NDST4: variants seen among roughly 807,000 people sequenced by gnomAD.
NDST4 encodes the protein N-deacetylase and N-sulfotransferase 4.
In NDST4, 63 loss-of-function variants were observed where a neutral mutation model predicts 100.8. The ratio of observed to expected loss-of-function variants is 0.62; its 90% CI spans 0.51 to 0.77. The LOEUF (loss-of-function observed/expected upper bound fraction) is 0.77, where lower values mean the gene tolerates loss of function less well. Ranked by LOEUF, NDST4 falls within the 30% of genes least tolerant of loss-of-function variation. NDST4 has a pLI of 0.00. For missense variants in NDST4, 943 were observed against 1,018.4 expected, an observed-to-expected ratio of 0.93 and a Z score of 1.01; for synonymous variants, 377 against 361.8, an observed-to-expected ratio of 1.04 and a Z score of -0.48.
intron 3 of NDST4, among the ~76,000 whole-genome samples, chr4:114,976,670 T>C (rs560832630): frequency 6.6e-6 from 1 of 152,028 alleles, no homozygotes; most frequent in Non-Finnish European, 1.5e-5. Flanking sequence ...GCCAAATTAG[T>C]GGTAATATTG....
At chr4:115,004,208 C>A (rs1727362264) in intron 2 of NDST4, among the ~76,000 whole-genome samples, 2 of 152,108 alleles carry the variant, frequency 1.3e-5, no homozygotes, top group African/African-American at 4.8e-5. Context: ...ATCATTTGTA[C>A]CAACTTAATT....
intron 1 of NDST4, among the ~76,000 whole-genome samples, chr4:115,087,618 T>C (rs767064544): frequency 2.4e-4 from 37 of 152,038 alleles, no homozygotes; most frequent in Middle Eastern, 3.4e-3. Context: ...TATGTAACAA[T>C]GTTGCGATTT....
chr4:114,849,007 T>C (rs1723617331), intron 8 of NDST4, among the ~76,000 whole-genome samples: 2 of 152,228 alleles, frequency 1.3e-5, no homozygotes, highest in African/African-American at 4.8e-5. Flanking sequence ...AAGTGTATTC[T>C]AATACTTTTC....
intron 4 of NDST4, among the ~76,000 whole-genome samples, chr4:114,945,969 T>C (rs1282938272): frequency 6.6e-6 from 1 of 152,154 alleles, no homozygotes; most frequent in Admixed American, 6.5e-5. Flanking sequence ...ATTTTTCTTT[T>C]GACAAAAGAA....
At chr4:115,110,309 TAAAGA>T (rs140885985) in intron 1 of NDST4, among the ~76,000 whole-genome samples, 2,334 of 152,076 alleles carry the variant, frequency 0.015, 69 homozygotes, top group African/African-American at 0.054. Context: ...CCTGAAGTGT[TAAAGA>T]AAAGGCTGGC....
At chr4:114,983,856 T>C (rs1726837112) in intron 2 of NDST4, among the ~76,000 whole-genome samples, 1 of 152,108 alleles carries the variant, frequency 6.6e-6, no homozygotes, top group Non-Finnish European at 1.5e-5. Context: ...GATTGGATCA[T>C]GAGGGTGGTT....
intron 2 of NDST4, among the ~76,000 whole-genome samples, chr4:115,043,329 C>A (rs1177177245): frequency 6.6e-6 from 1 of 151,992 alleles, no homozygotes; most frequent in East Asian, 1.9e-4. Flanking sequence ...GGATGATGTA[C>A]ATTTTAAGTT....
intron 1 of NDST4, among the ~76,000 whole-genome samples, chr4:115,112,913 C>A (rs1430909333): frequency 1.3e-5 from 2 of 151,914 alleles, no homozygotes; most frequent in African/African-American, 2.4e-5. Flanking sequence ...ATGACTGTAA[C>A]ATACAATTTC....
chr4:115,078,769 G>C (rs555802828), intron 1 of NDST4, among the ~76,000 whole-genome samples: 5 of 152,086 alleles, frequency 3.3e-5, no homozygotes, highest in Non-Finnish European at 4.4e-5. Context: ...GAACCCGGGA[G>C]GCGGAAGATG....
chr4:114,887,471 A>G (rs1724504007), intron 6 of NDST4, among the ~76,000 whole-genome samples: 1 of 152,196 alleles, frequency 6.6e-6, no homozygotes, highest in Non-Finnish European at 1.5e-5. Flanking sequence ...TCATACATCT[A>G]TAAGTTTCAG....
At chr4:114,846,680 T>C (rs1306158145) in intron 9 of NDST4, among the ~76,000 whole-genome samples, 2 of 152,156 alleles carry the variant, frequency 1.3e-5, no homozygotes, top group African/African-American at 4.8e-5. Flanking sequence ...GTTAATTCAG[T>C]GCAAGTCTTT....
chr4:114,885,699 T>C (rs1277755887), intron 6 of NDST4, among the ~76,000 whole-genome samples: 1 of 152,094 alleles, frequency 6.6e-6, no homozygotes, highest in Non-Finnish European at 1.5e-5. Flanking sequence ...GATTTTTTTC[T>C]TTCTCTTCTG....
chr4:115,047,495 T>C (rs1408089735), intron 2 of NDST4, among the ~76,000 whole-genome samples: 2 of 152,152 alleles, frequency 1.3e-5, no homozygotes, highest in Non-Finnish European at 2.9e-5. Context: ...TTTATCTTTT[T>C]ATAACTTATT....
chr4:114,999,672 G>A (rs1407439157), intron 2 of NDST4, among the ~76,000 whole-genome samples: 1 of 152,048 alleles, frequency 6.6e-6, no homozygotes, highest in Non-Finnish European at 1.5e-5. Flanking sequence ...AACATTCAGA[G>A]TAGCATTCCT....
chr4:114,975,098 G>A (rs1183744707), intron 3 of NDST4, among the ~76,000 whole-genome samples: 1 of 152,178 alleles, frequency 6.6e-6, no homozygotes, highest in East Asian at 1.9e-4. Context: ...TGACAAGATA[G>A]GGGTAAGGCA....
chr4:114,828,219 C>T (rs946009018), intron 13 of NDST4, among the ~76,000 whole-genome samples: 1 of 151,992 alleles, frequency 6.6e-6, no homozygotes, highest in Non-Finnish European at 1.5e-5. Flanking sequence ...AAAGAAAAAA[C>T]GATGACAGGA....
chr4:114,913,250 AG>A (rs1438450134), intron 6 of NDST4, among the ~76,000 whole-genome samples: 16 of 152,080 alleles, frequency 1.1e-4, no homozygotes, highest in Non-Finnish European at 1.6e-4. Flanking sequence ...CTGGGATTAA[AG>A]GGCTAATTTA....
rs138873732 is a variant in NDST4, at chr4:115,047,219, C to G, written c.978+28840G>C. Among the ~76,000 whole-genome samples the G allele has an allele frequency of 1.7e-4, 26 of 151,944 alleles. No individual in the cohort carries two copies. In the East Asian group the frequency reaches 5.0e-3, roughly 29 times the overall value. ...ATAAAATATTTAATATTTTTAAAAC[C>G]TATTAACAAAAATAAAAATGAGTTT... is the stretch of plus-strand genomic sequence containing the variant. On this transcript the variant is annotated intron_variant, in intron 2 of 13. Transcript: ENST00000264363.
At chr4:114,880,004 G>A (rs901801047) in intron 6 of NDST4, among the ~76,000 whole-genome samples, 3 of 152,052 alleles carry the variant, frequency 2.0e-5, no homozygotes, top group African/African-American at 7.2e-5. Context: ...AAACTGTTTT[G>A]ATTCAAGACT....
Sources: allele counts gnomAD v4.1 joint callset (sites outside exome capture counted in the v4.1 genomes callset), GRCh38; gene constraint gnomAD v4.1.1; transcripts MANE v1.5; gene names NCBI Gene and HGNC (gene_info 2026-07-23, HGNC 2026-07-21).